Variants in UBE3D observed in about 807,000 individuals in gnomAD.
The protein encoded by UBE3D is ubiquitin protein ligase E3D.
A neutral mutation model predicts 49.6 loss-of-function variants in UBE3D; 48 were observed. The observed-to-expected ratio is 0.97, with a 90% CI of 0.77 to 1.23. The LOEUF (loss-of-function observed/expected upper bound fraction) is 1.23, where lower values mean the gene tolerates loss of function less well. Among genes scored for constraint, UBE3D ranks in the 50% most tolerant of loss-of-function variants. The probability of loss-of-function intolerance (pLI) is 0.00; values close to 1 mark genes in which losing one functional copy is unlikely to be tolerated. For missense variants in UBE3D, 452 were observed against 468.4 expected (o/e 0.96, Z 0.32); for synonymous variants, 189 against 174.2 (o/e 1.08, Z -0.67).
the UBE3D span, among the ~76,000 whole-genome samples, chr6:82,881,914 C>T: frequency 6.6e-6 from 1 of 152,290 alleles, no homozygotes; most frequent in African/African-American, 2.4e-5. Context: ...CCAGCTAATA[C>T]CTGGCATATT....
intron 8 of UBE3D, among the ~76,000 whole-genome samples, chr6:82,999,569 G>C (rs957606419): frequency 1.6e-4 from 25 of 152,196 alleles, no homozygotes; most frequent in Admixed American, 4.6e-4. Flanking sequence ...ATTTTTAGTA[G>C]AGACGGGGTT....
intron 9 of UBE3D, among the ~76,000 whole-genome samples, chr6:82,913,397 A>C (rs1394106044): frequency 6.6e-6 from 1 of 152,236 alleles, no homozygotes; most frequent in African/African-American, 2.4e-5. Flanking sequence ...GGTTAATTTC[A>C]AGTAGGCTGA....
At chr6:83,003,235 C>CCT (rs1357347939) in intron 8 of UBE3D, among the ~76,000 whole-genome samples, 1 of 152,166 alleles carries the variant, frequency 6.6e-6, no homozygotes, top group Non-Finnish European at 1.5e-5. Flanking sequence ...TCCCTTCCAT[C>CCT]CTCTACCCAA....
At chr6:82,953,202 C>T (rs1775924407) in intron 9 of UBE3D, among the ~76,000 whole-genome samples, 1 of 152,222 alleles carries the variant, frequency 6.6e-6, no homozygotes, top group African/African-American at 2.4e-5. Flanking sequence ...ACCTCTGCAC[C>T]TCTAATGCCT....
At chr6:82,905,857 T>G (rs1178843347) in intron 9 of UBE3D, among the ~76,000 whole-genome samples, 1 of 152,156 alleles carries the variant, frequency 6.6e-6, no homozygotes, top group East Asian at 1.9e-4. Flanking sequence ...AATGTTAATA[T>G]ATTCTCTAGT....
In UBE3D at chr6:83,044,524, G is replaced by A. The variant is rs867976211; in HGVS notation, c.501C>T (p.Phe167=). The change falls in exon 4 of 10, where the codon TTC becomes TTT. Residue 167 remains phenylalanine (F), a synonymous_variant. Transcript: ENST00000369747. The stretch of plus-strand genomic sequence containing the variant: ...AACTGGTTCTTAAATTCACCAAGAA[G>A]AAAGAGTCTCCAATAAAACAGTCAT... ...QENDCFIGDS[F]FLVNLRTSLW... is the part of the protein sequence containing the mutation. The A allele has an allele frequency of 1.9e-6, 3 of 1,614,158 alleles. No individual in the cohort carries two copies. The highest frequency in any genetic ancestry group is 2.5e-6 in the Non-Finnish European group (3 of 1,180,002).
At chr6:82,901,368 C>A (rs1413910494) in intron 9 of UBE3D, among the ~76,000 whole-genome samples, 1 of 152,114 alleles carries the variant, frequency 6.6e-6, no homozygotes, top group Non-Finnish European at 1.5e-5. Context: ...TTCAAATAGT[C>A]CAGCCCAGTG....
intron 9 of UBE3D, 90 bp downstream of exon 9, chr6:82,957,222 C>T (rs1776217154): frequency 1.3e-5 from 18 of 1,339,476 alleles, no homozygotes; most frequent in East Asian, 9.6e-5. Context: ...GGGAATTCCA[C>T]GGGCTATCTC....
intron 8 of UBE3D, among the ~76,000 whole-genome samples, chr6:82,959,003 G>A (rs1429553685): frequency 6.6e-6 from 1 of 152,004 alleles, no homozygotes; most frequent in Non-Finnish European, 1.5e-5. Flanking sequence ...TGGAAGATAA[G>A]GTAAATATGT....
chr6:82,882,328 C>A, the UBE3D span, among the ~76,000 whole-genome samples: 1 of 152,034 alleles, frequency 6.6e-6, no homozygotes, highest in African/African-American at 2.4e-5. Context: ...AAGGCTTTAT[C>A]GGAATATAAA....
intron 9 of UBE3D, among the ~76,000 whole-genome samples, chr6:82,936,591 C>T (rs1175672295): frequency 6.6e-6 from 1 of 152,094 alleles, no homozygotes. Context: ...AGTCTGTGCT[C>T]TGTTATCACA....
intron 5 of UBE3D, 150 bp downstream of exon 5, chr6:83,038,266 G>C (rs1782410742): frequency 1.7e-6 from 1 of 604,554 alleles, no homozygotes; most frequent in Non-Finnish European, 2.8e-6. Flanking sequence ...TGGTATATTG[G>C]ATGGTATGTT....
At chr6:83,029,569 GCTTA>G (rs1223504417) in intron 5 of UBE3D, among the ~76,000 whole-genome samples, 2 of 152,122 alleles carry the variant, frequency 1.3e-5, no homozygotes, top group Non-Finnish European at 2.9e-5. Context: ...GAATATCTGT[GCTTA>G]CTAAGTACCT....
chr6:82,937,252 T>A (rs926908115), intron 9 of UBE3D, among the ~76,000 whole-genome samples: 2 of 152,156 alleles, frequency 1.3e-5, no homozygotes, highest in African/African-American at 4.8e-5. Flanking sequence ...GAGAACAGTT[T>A]CACCTTCCAA....
the UBE3D span, among the ~76,000 whole-genome samples, chr6:82,887,285 A>G: frequency 3.5e-4 from 52 of 147,514 alleles, no homozygotes; most frequent in East Asian, 7.6e-3. Flanking sequence ...TGCTACTGCT[A>G]CTGCACTCCA....
intron 5 of UBE3D, among the ~76,000 whole-genome samples, chr6:83,035,580 A>C (rs975448463): frequency 2.7e-5 from 4 of 150,850 alleles, no homozygotes; most frequent in African/African-American, 9.8e-5. Flanking sequence ...GTTCAATGCT[A>C]TTCTAATTCT....
At chr6:83,065,139 C>T (rs1332738446) in intron 1 of UBE3D, among the ~76,000 whole-genome samples, 7 of 152,148 alleles carry the variant, frequency 4.6e-5, no homozygotes, top group Admixed American at 1.3e-4. Flanking sequence ...ACTAAACTCA[C>T]GTTTATTGAA....
At chr6:83,008,352 A>T (rs1780120475) in intron 8 of UBE3D, among the ~76,000 whole-genome samples, 1 of 152,224 alleles carries the variant, frequency 6.6e-6, no homozygotes, top group African/African-American at 2.4e-5. Context: ...TCTAAAGCCA[A>T]AAAGTTAATA....
At chr6:82,896,776 C>T (rs998199764) in intron 9 of UBE3D, among the ~76,000 whole-genome samples, 5 of 151,018 alleles carry the variant, frequency 3.3e-5, no homozygotes, top group African/African-American at 1.2e-4. Flanking sequence ...GAGTCTTGCT[C>T]TGTTGCCCAG....
Sources: allele counts gnomAD v4.1 joint callset (sites outside exome capture counted in the v4.1 genomes callset), GRCh38; gene constraint gnomAD v4.1.1; transcripts MANE v1.5; gene names NCBI Gene and HGNC (gene_info 2026-07-23, HGNC 2026-07-21).